The following METTL25 variants were observed in gnomAD, a reference collection of about 807,000 sequenced individuals.
METTL25 encodes probable methyltransferase-like protein 25.
METTL25 carries 64 observed loss-of-function variants against 71.6 expected under a neutral mutation model. The ratio of observed to expected loss-of-function variants is 0.89; its 90% CI spans 0.73 to 1.10. METTL25 has a LOEUF of 1.10. Among genes scored for constraint, METTL25 ranks in the 50% least tolerant of loss-of-function variants. The pLI is 0.00. For missense variants in METTL25, 807 were observed against 707.0 expected (o/e 1.14, Z -1.60); for synonymous variants, 287 against 250.3 (o/e 1.15, Z -1.38).
At chr12:82,453,894 A>C (rs1224499428) in intron 8 of METTL25, among the ~76,000 whole-genome samples, 1 of 152,130 alleles carries the variant, frequency 6.6e-6, no homozygotes, top group Non-Finnish European at 1.5e-5. Context: ...TGTTATGAGC[A>C]AGACAGCTGT....
chr12:82,393,682 A>C (rs898140740), intron 3 of METTL25, among the ~76,000 whole-genome samples: 1 of 152,060 alleles, frequency 6.6e-6, no homozygotes, highest in Non-Finnish European at 1.5e-5. Context: ...GAAAGTGGGC[A>C]TTCTTGTCCT....
chr12:82,439,938 A>G (rs761096082), intron 8 of METTL25: 31 of 455,846 alleles, frequency 6.8e-5, no homozygotes, highest in East Asian at 1.6e-4. Flanking sequence ...TAAAAACTCA[A>G]TACTTTCCAA....
chr12:82,361,511 G>T (rs1486440735), intron 1 of METTL25, among the ~76,000 whole-genome samples: 1 of 151,978 alleles, frequency 6.6e-6, no homozygotes, highest in African/African-American at 2.4e-5. Flanking sequence ...AGCCCACGGT[G>T]GGGGGGAGGG....
chr12:82,467,475 C>T (rs1266360646), intron 9 of METTL25, among the ~76,000 whole-genome samples: 1 of 152,048 alleles, frequency 6.6e-6, no homozygotes, highest in Non-Finnish European at 1.5e-5. Flanking sequence ...GATGAATTCT[C>T]TTAGTTTTTA....
intron 5 of METTL25, among the ~76,000 whole-genome samples, chr12:82,411,990 C>A (rs1887592400): frequency 6.6e-6 from 1 of 152,058 alleles, no homozygotes; most frequent in South Asian, 2.1e-4. Context: ...AACGTGCGAT[C>A]TTTAACCACA....
At chr12:82,430,024 A>T (rs896856190) in intron 5 of METTL25, among the ~76,000 whole-genome samples, 5 of 151,392 alleles carry the variant, frequency 3.3e-5, no homozygotes, top group African/African-American at 1.2e-4. Flanking sequence ...AAGCTATCCC[A>T]ATTGCATTTT....
intron 2 of METTL25, among the ~76,000 whole-genome samples, 197 bp from the exon 3 acceptor site, chr12:82,389,619 T>G (rs1592632970): frequency 6.6e-6 from 1 of 152,088 alleles, no homozygotes; most frequent in Non-Finnish European, 1.5e-5. Flanking sequence ...AGTTTTAATG[T>G]TCTATGGATT....
chr12:82,399,771 A>G (rs1166094899), intron 4 of METTL25, among the ~76,000 whole-genome samples: 3 of 152,164 alleles, frequency 2.0e-5, no homozygotes, highest in Non-Finnish European at 4.4e-5. Flanking sequence ...ACTTGCCAAT[A>G]TGGAATTTCC....
intron 5 of METTL25, among the ~76,000 whole-genome samples, chr12:82,421,409 TAATA>T (rs1443418593): frequency 6.6e-6 from 1 of 152,168 alleles, no homozygotes; most frequent in East Asian, 1.9e-4. Context: ...TTGTGTAAAT[TAATA>T]AATATTAGTG....
chr12:82,441,292 T>TTATA (rs71068929), intron 8 of METTL25, among the ~76,000 whole-genome samples: 123,430 of 148,492 alleles, frequency 0.83, 51,616 homozygotes, highest in East Asian at 0.99. Context: ...CACTAACATC[T>TTATA]TATATATATA....
intron 1 of METTL25, among the ~76,000 whole-genome samples, chr12:82,380,862 G>C (rs76822991): frequency 0.011 from 1,684 of 152,296 alleles, 25 homozygotes; most frequent in African/African-American, 0.039. Context: ...GACTGTCAGA[G>C]AAGTTTTCAC....
At chr12:82,358,961 G>T in intron 1 of METTL25, 137 bp downstream of exon 1, 1 of 989,788 alleles carries the variant, frequency 1.0e-6, no homozygotes, top group South Asian at 1.5e-5. Context: ...AAACCGAGGA[G>T]GGGTCGGATT....
At chr12:82,425,872 A>G (rs1888968149) in intron 5 of METTL25, among the ~76,000 whole-genome samples, 1 of 152,098 alleles carries the variant, frequency 6.6e-6, no homozygotes, top group Non-Finnish European at 1.5e-5. Context: ...AATAACTAGT[A>G]CAATCTCTAA....
intron 11 of METTL25, among the ~76,000 whole-genome samples, chr12:82,478,151 A>G (rs1892986827): frequency 6.6e-6 from 1 of 151,792 alleles, no homozygotes; most frequent in South Asian, 2.1e-4. Flanking sequence ...ACTTCAAGTC[A>G]CTGGAAAGCT....
At chr12:82,438,246 T>C (rs1269028725) in intron 7 of METTL25, among the ~76,000 whole-genome samples, 1 of 151,706 alleles carries the variant, frequency 6.6e-6, no homozygotes, top group African/African-American at 2.4e-5. Context: ...TCAGACAATC[T>C]TTGTATTTCT....
At chr12:82,414,984 T>G (rs1325913294) in intron 5 of METTL25, among the ~76,000 whole-genome samples, 1 of 152,130 alleles carries the variant, frequency 6.6e-6, no homozygotes, top group Non-Finnish European at 1.5e-5. Flanking sequence ...AGGTGTTCCA[T>G]ATGTGTCTCA....
intron 1 of METTL25, among the ~76,000 whole-genome samples, chr12:82,380,802 T>G (rs1218805567): frequency 6.6e-6 from 1 of 152,214 alleles, no homozygotes; most frequent in African/African-American, 2.4e-5. Flanking sequence ...AAAAAATTAA[T>G]AAAGACTCAG....
chr12:82,476,663 T>A lies in METTL25; in HGVS notation c.1592T>A (p.Met531Lys), dbSNP rs1417492149. 1 of 1,598,424 alleles carries A rather than the reference T, an allele frequency of 6.3e-7. No homozygotes were observed. Among genetic ancestry groups the A allele is most frequent in the Non-Finnish European group, 8.5e-7 (1 of 1,172,748 alleles). The change falls in exon 10 of 12, where the codon ATG (methionine) becomes AAG (lysine). Residue 531 changes from methionine to lysine, a missense_variant. By Grantham distance (95) the Met-to-Lys change is moderately conservative. Coordinates refer to ENST00000248306, the MANE Select transcript of METTL25 (RefSeq NM_032230.3). ...DESKLPEKII[M>K]NYYEKYKPRM... is the part of the protein sequence containing the mutation. ...TTGAAGCTGCCAGAAAAAATTATAA[T>A]GAACTACTACGAGAAGTATAAGCCT...
chr12:82,413,492 C>A (rs998006701), intron 5 of METTL25, among the ~76,000 whole-genome samples: 2 of 152,034 alleles, frequency 1.3e-5, no homozygotes, highest in African/African-American at 4.8e-5. Flanking sequence ...AGAGTGATTT[C>A]TAGATGTCCA....
Sources: gnomAD v4.1 joint callset for allele counts (sites outside exome capture counted in the v4.1 genomes callset) on GRCh38, gnomAD v4.1.1 for gene constraint, MANE v1.5 for transcripts, NCBI Gene and HGNC (gene_info 2026-07-23, HGNC 2026-07-21) for gene names.